The following TADA2A variants were observed in gnomAD, a reference collection of about 807,000 sequenced individuals.
TADA2A encodes the protein transcriptional adaptor 2A, also known as transcriptional adapter 2-alpha.
Under a neutral mutation model 67.4 loss-of-function variants are expected in TADA2A, and 38 were observed. That is an observed-to-expected ratio of 0.56 (90% CI 0.44 to 0.74). The LOEUF is 0.74. TADA2A is among the 30% of genes least tolerant of loss of function. The pLI is 0.00. For missense variants in TADA2A, 454 were observed against 547.0 expected, an observed-to-expected ratio of 0.83 and a Z score of 1.70; for synonymous variants, 192 against 181.6, an observed-to-expected ratio of 1.06 and a Z score of -0.46.
At chr17:37,442,085 C>T (rs1206074184) in intron 6 of TADA2A, among the ~76,000 whole-genome samples, 1 of 151,926 alleles carries the variant, frequency 6.6e-6, no homozygotes, top group Non-Finnish European at 1.5e-5. Context: ...GTTTTACATT[C>T]GAGAAGACCG....
At chr17:37,427,280 G>T (rs974951959) in intron 4 of TADA2A, among the ~76,000 whole-genome samples, 5 of 152,170 alleles carry the variant, frequency 3.3e-5, no homozygotes, top group Non-Finnish European at 7.3e-5. Context: ...ATTATTCAAA[G>T]GAAATACTTT....
At chr17:37,409,540 G>T (rs981965106) in intron 1 of TADA2A, among the ~76,000 whole-genome samples, 2 of 152,056 alleles carry the variant, frequency 1.3e-5, no homozygotes, top group Non-Finnish European at 2.9e-5. Flanking sequence ...GCTGAGGTGG[G>T]CAGATCGCCT....
chr17:37,424,357 TC>T (rs896528797), intron 3 of TADA2A, among the ~76,000 whole-genome samples: 5 of 151,240 alleles, frequency 3.3e-5, no homozygotes, highest in Non-Finnish European at 7.4e-5. Context: ...GGCAGGAGAA[TC>T]TTTTTTTTTT....
At chr17:37,470,870 C>G (rs1194308188) in intron 13 of TADA2A, among the ~76,000 whole-genome samples, 2 of 152,036 alleles carry the variant, frequency 1.3e-5, no homozygotes, top group East Asian at 3.9e-4. Flanking sequence ...TAGTGGTGTT[C>G]TAGATTACAA....
intron 8 of TADA2A, among the ~76,000 whole-genome samples, chr17:37,446,986 T>C (rs1001635920): frequency 1.3e-5 from 2 of 152,228 alleles, no homozygotes; most frequent in Non-Finnish European, 2.9e-5. Context: ...TAACATACTT[T>C]AGGTATTTGT....
At chr17:37,422,598 C>G (rs1012409146) in intron 2 of TADA2A, among the ~76,000 whole-genome samples, 5 of 151,708 alleles carry the variant, frequency 3.3e-5, no homozygotes, top group African/African-American at 1.2e-4. Flanking sequence ...CCTTTGCCTT[C>G]CGGGTTCAAG....
At chr17:37,452,280 G>C (rs2053255853) in intron 8 of TADA2A, among the ~76,000 whole-genome samples, 1 of 151,956 alleles carries the variant, frequency 6.6e-6, no homozygotes, top group Admixed American at 6.6e-5. Context: ...GCGTGCACCT[G>C]TAATCCCAGT....
At chr17:37,451,511 A>C (rs1383648089) in intron 8 of TADA2A, among the ~76,000 whole-genome samples, 2 of 151,864 alleles carry the variant, frequency 1.3e-5, no homozygotes, top group African/African-American at 4.8e-5. Flanking sequence ...TTGTAGAGAC[A>C]GGGTTTCACT....
At chr17:37,407,817 G>A (rs2051658481) in intron 1 of TADA2A, 1 of 152,430 alleles carries the variant, frequency 6.6e-6, no homozygotes, top group East Asian at 1.9e-4. Flanking sequence ...TCGAACTCCT[G>A]ACCTCAAGTG....
intron 3 of TADA2A, among the ~76,000 whole-genome samples, chr17:37,425,614 G>T (rs1204356368): frequency 6.6e-6 from 1 of 152,062 alleles, no homozygotes; most frequent in Admixed American, 6.6e-5. Flanking sequence ...AAGTTGTGAT[G>T]TACTTTCGAT....
At chr17:37,470,270 A>T in intron 12 of TADA2A, 130 bp from the exon 13 acceptor site, 1 of 1,051,562 alleles carries the variant, frequency 9.5e-7, no homozygotes, top group Non-Finnish European at 1.4e-6. Flanking sequence ...TGGAGAAATA[A>T]TTGTGAAAGC....
chr17:37,476,281 C>G (rs750958390), intron 15 of TADA2A, among the ~76,000 whole-genome samples: 1 of 152,196 alleles, frequency 6.6e-6, no homozygotes, highest in Admixed American at 6.5e-5. Context: ...GTTACCTCCT[C>G]TTAGCAAGGT....
chr17:37,423,736 A>C, intron 3 of TADA2A, 121 bp downstream of exon 3: 2 of 709,724 alleles, frequency 2.8e-6, no homozygotes, highest in Non-Finnish European at 4.3e-6. Flanking sequence ...ATTCCTTCCA[A>C]TTTTTCTTTT....
Position 37,423,520 on chromosome 17 carries a change from G to A in TADA2A, c.37G>A (p.Asp13Asn). 1 of 1,611,716 alleles carries A rather than the reference G, an allele frequency of 6.2e-7. No homozygotes were observed. Among genetic ancestry groups the A allele is most frequent in the Non-Finnish European group, 8.5e-7 (1 of 1,179,416 alleles). ...RLGSFSNDPS[D>N]KPPCRGCSSY... ...TCTGTTTGTTCTAGATGATCCCTCT[G>A]ATAAGCCACCTTGCCGAGGCTGCTC... Residue 13 changes from aspartate (D) to asparagine (N), a missense_variant, in exon 3 of 16, where the codon GAT becomes AAT. By Grantham distance (23) the Asp-to-Asn change is conservative. Transcript: ENST00000615182.
At chr17:37,421,110 C>T (rs1053513018) in intron 2 of TADA2A, among the ~76,000 whole-genome samples, 1 of 146,918 alleles carries the variant, frequency 6.8e-6, no homozygotes, top group Admixed American at 6.9e-5. Context: ...AATTCCCACT[C>T]AGAGCCAGGT....
At chr17:37,436,868 G>C (rs548950989) in intron 4 of TADA2A, among the ~76,000 whole-genome samples, 3 of 150,908 alleles carry the variant, frequency 2.0e-5, no homozygotes, top group African/African-American at 4.9e-5. Context: ...AAATGGGAGC[G>C]TACTGAAATA....
At chr17:37,410,334 G>A (rs981241653) in intron 1 of TADA2A, among the ~76,000 whole-genome samples, 6 of 137,414 alleles carry the variant, frequency 4.4e-5, no homozygotes, top group Non-Finnish European at 9.2e-5. Context: ...CACTGTACCC[G>A]GCTAACTTTT....
rs1325643661 is a variant in TADA2A, at chr17:37,461,595, C to G, written c.669-483C>G. Reference sequence around the variant, plus strand: ...AATCTTTTGTTTTATAATGCCCTTTCATTAAACATGCACAATATTTATTTC... The same window carrying G: ...AATCTTTTGTTTTATAATGCCCTTTGATTAAACATGCACAATATTTATTTC... On this transcript the variant is annotated intron_variant, in intron 9 of 15. Coordinates refer to ENST00000615182, the MANE Select transcript of TADA2A (RefSeq NM_001166105.3). 4.6e-5 allele frequency among the ~76,000 whole-genome samples: 7 copies of G among 152,300 alleles called. No homozygotes were observed. In the East Asian group the frequency reaches 1.3e-3, roughly 29 times the overall value.
chr17:37,479,150 A>G lies in TADA2A; in HGVS notation c.*2168A>G, dbSNP rs2148060996. 1 of 152,342 alleles carries G rather than the reference A, an allele frequency of 6.6e-6. No individual in the cohort carries two copies. Among genetic ancestry groups the G allele is most frequent in the Non-Finnish European group, 1.5e-5 (1 of 68,074 alleles). The allele number at this position is 152,342 out of a possible 1,614,324, so 9.4% of individuals were successfully genotyped here. A position where few individuals can be genotyped will look rare whatever the true frequency, so the allele number is the denominator to read the frequency against. On this transcript the variant is annotated 3_prime_UTR_variant, in exon 16 of 16. Coordinates refer to ENST00000615182, the MANE Select transcript of TADA2A (RefSeq NM_001166105.3). The stretch of plus-strand genomic sequence containing the variant: ...CTTTTGGGGCAATTATATGATAGAG[A>G]AGAGAGAGAAAAATGGCAGATGGAA...
Sources: gnomAD v4.1 joint callset for allele counts (sites outside exome capture counted in the v4.1 genomes callset) on GRCh38, gnomAD v4.1.1 for gene constraint, MANE v1.5 for transcripts, NCBI Gene and HGNC (gene_info 2026-07-23, HGNC 2026-07-21) for gene names.